The following AP5B1 variants were observed in gnomAD, a reference collection of about 807,000 sequenced individuals.
AP5B1 encodes the protein AP-5 complex subunit beta-1.
A neutral mutation model predicts 5.7 loss-of-function variants in AP5B1; 3 were observed. The ratio of observed to expected loss-of-function variants is 0.53; its 90% confidence interval spans 0.24 to 1.36. AP5B1 has a LOEUF of 1.36. Ranked by LOEUF, AP5B1 falls within the 40% of genes most tolerant of loss-of-function variation. The probability of loss-of-function intolerance (pLI) is 0.17; values close to 1 mark genes in which losing one functional copy is unlikely to be tolerated. For synonymous variants in AP5B1, 696 were observed against 555.5 expected (o/e 1.25, Z -3.56); for missense variants, 1,310 against 1,143.2 (o/e 1.15, Z -2.10).
rs1334154791 is a variant in AP5B1, at chr11:65,777,515, C to T, written c.*341G>A. The T allele has an allele frequency of 1.1e-5, 3 of 264,670 alleles. No individual in the cohort carries two copies. Among genetic ancestry groups the T allele is most frequent in the Non-Finnish European group, 2.2e-5 (3 of 137,592 alleles). 16.4% of individuals were successfully genotyped at this position (264,670 alleles called of 1,614,324 possible). On this transcript the variant is annotated 3_prime_UTR_variant, in exon 2 of 2. Transcript: ENST00000532090. Reference sequence around the variant, plus strand: ...GGCCGTTATCTTGGGAGTGGGTTCGCTCTCTCCCCTCACTCCTGTCACTCT... The same window carrying T: ...GGCCGTTATCTTGGGAGTGGGTTCGTTCTCTCCCCTCACTCCTGTCACTCT...
chr11:65,779,442 G>A lies in AP5B1; in HGVS notation c.1051C>T (p.Leu351Phe), dbSNP rs563241045. 34 of 1,607,468 alleles carry A rather than the reference G, an allele frequency of 2.1e-5. No homozygotes were observed. The South Asian group carries it at 3.3e-4, about 16-fold the overall frequency. ...AQDEALLLRR[L>F]TLAAQHPALP... is the part of the protein sequence containing the mutation. ...GCAGGGTGCTGGGCAGCCAAGGTGA[G>A]CCGGCGGAGCAGCAACGCTTCATCC... The change falls in exon 2 of 2, where the codon CTC (leucine) becomes TTC (phenylalanine). Residue 351 changes from leucine to phenylalanine, a missense_variant. Coordinates refer to ENST00000532090, the MANE Select transcript of AP5B1 (RefSeq NM_138368.5).
In AP5B1 at chr11:65,774,698, C is replaced by G. The variant is rs932411971; in HGVS notation, c.*3158G>C. On this transcript the variant is annotated 3_prime_UTR_variant, in exon 2 of 2. Transcript: ENST00000532090. The stretch of plus-strand genomic sequence containing the variant: ...TGCTGGGATTACAGGTGTGAGCCAC[C>G]GCCCCCGGCCCTTGACTCCCTTCAC... 6.6e-6 allele frequency among the ~76,000 whole-genome samples: 1 copy of G among 152,182 alleles called. No individual in the cohort carries two copies. Among genetic ancestry groups the G allele is most frequent in the East Asian group, 1.9e-4 (1 of 5,206 alleles).
rs1359990907 is a variant in AP5B1 at position 65,779,503 on chromosome 11, G to A, written c.990C>T (p.Leu330=). ...QLTLLHAMLA[L]KAAFGEALFT... ...ACAAGGCCTCACCAAAGGCCGCCTT[G>A]AGCGCAAGCATGGCGTGCAACAGTG... The change falls in exon 2 of 2, where the codon CTC becomes CTT. Residue 330 remains leucine, a synonymous_variant. Transcript: ENST00000532090. 2 of 1,603,760 alleles carry A rather than the reference G, an allele frequency of 1.2e-6. No individual in the cohort carries two copies. The highest frequency in any genetic ancestry group is 1.7e-6 in the Non-Finnish European group (2 of 1,176,162).
At position 65,778,479 on chromosome 11, in the gene AP5B1, G is replaced by T; in HGVS notation, c.2014C>A (p.Arg672=). The T allele has an allele frequency of 6.4e-7, 1 of 1,573,036 alleles. No homozygotes were observed. Among genetic ancestry groups the T allele is most frequent in the Non-Finnish European group, 8.6e-7 (1 of 1,164,646 alleles). ...ALVRLSLGSH[R]VKGPLPVLKL... Reference sequence around the variant, plus strand: ...AACACTGGGAGTGGGCCCTTGACCCGATGGGACCCCAGGCTCAGCCGTACC... The same window carrying T: ...AACACTGGGAGTGGGCCCTTGACCCTATGGGACCCCAGGCTCAGCCGTACC... Residue 672 remains arginine, a synonymous_variant, in exon 2 of 2, where the codon CGG becomes AGG. Transcript: ENST00000532090.
chr11:65,779,899 C>A lies in AP5B1; in HGVS notation c.594G>T (p.Val198=). The change falls in exon 2 of 2, where the codon GTG becomes GTT. Residue 198 remains valine (V), a synonymous_variant. Coordinates refer to ENST00000532090, the MANE Select transcript of AP5B1 (RefSeq NM_138368.5). ...GGCCAGCCCCAACCCGGGACTGGAGCACCAAGGTGTTGCGCAAAGCGAGGG... is the reference window on the plus strand; with the variant it reads ...GGCCAGCCCCAACCCGGGACTGGAGAACCAAGGTGTTGCGCAAAGCGAGGG... ...LLALALRNTL[V]LQSRVGAGLG... is the part of the protein sequence containing the mutation. 1 of 1,594,144 alleles carries A rather than the reference C, an allele frequency of 6.3e-7. No individual in the cohort carries two copies. Among genetic ancestry groups the A allele is most frequent in the Non-Finnish European group, 8.5e-7 (1 of 1,170,228 alleles).
Position 65,779,734 on chromosome 11 carries a change from G to A in AP5B1, c.759C>T (p.Ser253=), listed in dbSNP as rs775579809. The A allele has an allele frequency of 1.9e-6, 3 of 1,602,944 alleles. No homozygotes were observed. The highest frequency in any genetic ancestry group is 2.6e-6 in the Non-Finnish European group (3 of 1,174,906). The change falls in exon 2 of 2, where the codon AGC becomes AGT. Residue 253 remains serine (S), a synonymous_variant. Transcript: ENST00000532090. ...CAGGGCTGTGCTCTCGTGCTGTAAG[G>A]CTACGCTCCCCCTCTCCCTCCTCAG... ...PAAEEGEGER[S]LTAREHSPEE... is the part of the protein sequence containing the mutation.
rs1247354348 is a variant in AP5B1, at chr11:65,780,204, G to A, written c.289C>T (p.Leu97=). 6 of 1,502,216 alleles carry A rather than the reference G, an allele frequency of 4.0e-6. No individual in the cohort carries two copies. Among genetic ancestry groups the A allele is most frequent in the Middle Eastern group, 2.2e-4 (1 of 4,518 alleles). The allele number at this position is 1,502,216 out of a possible 1,614,324, so 93.1% of individuals were successfully genotyped here. Residue 97 remains leucine, a synonymous_variant, in exon 2 of 2, where the codon CTG becomes TTG. Transcript: ENST00000532090. ...GCCAGGGCAGTGGTGGCCGCCAGCAGCAGTGGCCGACGGAGAGCTGAGGGC... is the reference window on the plus strand; with the variant it reads ...GCCAGGGCAGTGGTGGCCGCCAGCAACAGTGGCCGACGGAGAGCTGAGGGC... ...PRPSALRRPL[L]LAATTALAAG...
In AP5B1 at chr11:65,779,425, C is replaced by A. The variant is rs774981487; in HGVS notation, c.1068G>T (p.Gln356His). 21 of 1,607,816 alleles carry A rather than the reference C, an allele frequency of 1.3e-5. No individual in the cohort carries two copies. Among genetic ancestry groups the A allele is most frequent in the Middle Eastern group, 1.6e-4 (1 of 6,076 alleles). Residue 356 changes from glutamine to histidine, a missense_variant, in exon 2 of 2, where the codon CAG (glutamine) becomes CAT (histidine). By Grantham distance (24) the Gln-to-His change is conservative. Transcript: ENST00000532090. Reference sequence around the variant, plus strand: ...GGGTGGGCGGAGGCAGAGCAGGGTGCTGGGCAGCCAAGGTGAGCCGGCGGA... The same window carrying A: ...GGGTGGGCGGAGGCAGAGCAGGGTGATGGGCAGCCAAGGTGAGCCGGCGGA... ...LLLRRLTLAA[Q>H]HPALPPPTHL...
In AP5B1 at chr11:65,778,483, G is replaced by A. The variant is rs1221450177; in HGVS notation, c.2010C>T (p.Ser670=). Residue 670 remains serine, a synonymous_variant, in exon 2 of 2, where the codon TCC becomes TCT. Coordinates refer to ENST00000532090, the MANE Select transcript of AP5B1 (RefSeq NM_138368.5). ...APALVRLSLG[S]HRVKGPLPVL... is the part of the protein sequence containing the mutation. The stretch of plus-strand genomic sequence containing the variant: ...CTGGGAGTGGGCCCTTGACCCGATG[G>A]GACCCCAGGCTCAGCCGTACCAGGG... 7.6e-6 allele frequency: 12 copies of A among 1,573,498 alleles called. No homozygotes were observed. Among genetic ancestry groups the A allele is most frequent in the Non-Finnish European group, 8.6e-6 (10 of 1,164,894 alleles).
chr11:65,780,278 T>G lies in AP5B1; in HGVS notation c.215A>C (p.Glu72Ala), dbSNP rs1409052484. 2.0e-6 allele frequency: 3 copies of G among 1,502,752 alleles called. No homozygotes were observed. The highest frequency in any genetic ancestry group is 2.4e-5 in the Admixed American group (1 of 41,688). The allele number at this position is 1,502,752 out of a possible 1,614,324, so 93.1% of individuals were successfully genotyped here. A position where few individuals can be genotyped will look rare whatever the true frequency, so the allele number is the denominator to read the frequency against. ...AQLWPDASAAEVAATSLLDTL... is the reference protein window; with the variant it reads ...AQLWPDASAAAVAATSLLDTL... ...GTCCAACAGGGAGGTGGCGGCCACT[T>G]CGGCCGCAGAGGCGTCGGGCCACAG... The change falls in exon 2 of 2, where the codon GAA becomes GCA. Residue 72 changes from glutamate to alanine, a missense_variant. Transcript: ENST00000532090.
rs1281769058 is a variant in AP5B1 at position 65,776,266 on chromosome 11, G to A, written c.*1590C>T. ...CGTAAAGCTGGCCCATGGGGAACCT[G>A]TGGCTGGGAGCCCATGAGGCAGGGG... On this transcript the variant is annotated 3_prime_UTR_variant, in exon 2 of 2. Coordinates refer to ENST00000532090, the MANE Select transcript of AP5B1 (RefSeq NM_138368.5). 6.6e-6 allele frequency: 1 copy of A among 152,338 alleles called. No homozygotes were observed. Among genetic ancestry groups the A allele is most frequent in the Admixed American group, 6.5e-5 (1 of 15,284 alleles). The allele number at this position is 152,338 out of a possible 1,614,324, so 9.4% of individuals were successfully genotyped here. A position where few individuals can be genotyped will look rare whatever the true frequency, so the allele number is the denominator to read the frequency against.
At position 65,778,922 on chromosome 11, in the gene AP5B1, C is replaced by T. The variant is rs768339756; in HGVS notation, c.1571G>A (p.Arg524Gln). ...ELREPLKVVL[R>Q]QVVVSRPGRD... ...GCCCGGCCTGGACACCACCACCTGC[C>T]GCAACACCACCTTCAGGGGCTCCCT... Residue 524 changes from arginine to glutamine, a missense_variant, in exon 2 of 2, where the codon CGG becomes CAG. Transcript: ENST00000532090. The T allele has an allele frequency of 1.9e-5, 31 of 1,612,680 alleles. No individual in the cohort carries two copies. The highest frequency in any genetic ancestry group is 4.5e-5 in the East Asian group (2 of 44,894).
In AP5B1 at chr11:65,776,501, G is replaced by A. The variant is rs144047419; in HGVS notation, c.*1355C>T. 849 of 152,274 alleles carry A rather than the reference G, an allele frequency of 5.6e-3. 6 individuals are homozygous for A. Among genetic ancestry groups the A allele is most frequent in the African/African-American group, 0.02 (812 of 41,550 alleles). 9.4% of individuals were successfully genotyped at this position (152,274 alleles called of 1,614,324 possible). The stretch of plus-strand genomic sequence containing the variant: ...TGTTGCAAGGATGAAATGAGGCAAC[G>A]TACATGTGCCTGGCAGCACAGCTGA... On this transcript the variant is annotated 3_prime_UTR_variant, in exon 2 of 2. Coordinates refer to ENST00000532090, the MANE Select transcript of AP5B1 (RefSeq NM_138368.5).
In AP5B1 at chr11:65,778,470, C is replaced by A; in HGVS notation, c.2023G>T (p.Gly675Cys). Residue 675 changes from glycine (G) to cysteine (C), a missense_variant, in exon 2 of 2, where the codon GGC becomes TGC. Transcript: ENST00000532090. Reference sequence around the variant, plus strand: ...TGGAGCTTCAACACTGGGAGTGGGCCCTTGACCCGATGGGACCCCAGGCTC... The same window carrying A: ...TGGAGCTTCAACACTGGGAGTGGGCACTTGACCCGATGGGACCCCAGGCTC... ...RLSLGSHRVK[G>C]PLPVLKLQPE... The A allele has an allele frequency of 6.4e-7, 1 of 1,572,404 alleles. No individual in the cohort carries two copies. Among genetic ancestry groups the A allele is most frequent in the East Asian group, 2.3e-5 (1 of 42,972 alleles).
chr11:65,779,037 AG>A lies in AP5B1; in HGVS notation c.1455del (p.Leu486Ter). 2 of 1,607,416 alleles carry A rather than the reference AG, an allele frequency of 1.2e-6. No homozygotes were observed. Among genetic ancestry groups the A allele is most frequent in the Non-Finnish European group, 1.7e-6 (2 of 1,176,992 alleles). ...CLAGQPTVLT[P>X]LIHGLAQLYQ... is the part of the protein sequence containing the mutation. ...TACAGCTGGGCCAGTCCGTGGATCAAGGGGGTCAGCACCGTAGGTTGCCCAG... is the reference window on the plus strand; with the variant it reads ...TACAGCTGGGCCAGTCCGTGGATCAAGGGGTCAGCACCGTAGGTTGCCCAG... On this transcript the variant is annotated frameshift_variant, in exon 2 of 2. Coordinates refer to ENST00000532090, the MANE Select transcript of AP5B1 (RefSeq NM_138368.5). LOFTEE classifies it low-confidence loss of function (END_TRUNC).
At position 65,778,648 on chromosome 11, in the gene AP5B1, G is replaced by T. The variant is rs764816780; in HGVS notation, c.1845C>A (p.Tyr615Ter). ...DPDGRDHARL[Y>*]YILLAHLAAP... The stretch of plus-strand genomic sequence containing the variant: ...CTGCCAGGTGTGCCAGCAGGATGTA[G>T]TAGAGGCGGGCGTGGTCACGCCCAT... Residue 615 changes from tyrosine to a stop codon, truncating the protein, a stop_gained, in exon 2 of 2, where the codon TAC becomes TAA. Coordinates refer to ENST00000532090, the MANE Select transcript of AP5B1 (RefSeq NM_138368.5). LOFTEE classifies it low-confidence loss of function (END_TRUNC). 1 of 1,568,812 alleles carries T rather than the reference G, an allele frequency of 6.4e-7. No homozygotes were observed. The highest frequency in any genetic ancestry group is 8.6e-7 in the Non-Finnish European group (1 of 1,160,154).
rs757473754 is a variant in AP5B1, at chr11:65,779,384, T to A, written c.1109A>T (p.His370Leu). ...GTTCTCAGGGAAGCTCAGGACGCAG[T>A]GAAGGTAAAAGAGATGGGTGGGCGG... ...LPPPTHLFYL[H>L]CVLSFPENWP... The change falls in exon 2 of 2, where the codon CAC becomes CTC. Residue 370 changes from histidine to leucine, a missense_variant. Coordinates refer to ENST00000532090, the MANE Select transcript of AP5B1 (RefSeq NM_138368.5). 2.5e-6 allele frequency: 4 copies of A among 1,600,528 alleles called. No individual in the cohort carries two copies. In the African/African-American group the frequency reaches 5.4e-5, roughly 21 times the overall value.
At position 65,777,749 on chromosome 11, in the gene AP5B1, A is replaced by G; in HGVS notation, c.*107T>C. 1 of 1,321,630 alleles carries G rather than the reference A, an allele frequency of 7.6e-7. No homozygotes were observed. 81.9% of individuals were successfully genotyped at this position (1,321,630 alleles called of 1,614,324 possible). ...CCCAACCGGGGCCCAAAAGAAAACA[A>G]GCCAGCGAGGGCACTGCGGAATGCA... On this transcript the variant is annotated 3_prime_UTR_variant, in exon 2 of 2. Transcript: ENST00000532090.
chr11:65,778,272 G>A lies in AP5B1; in HGVS notation c.2221C>T (p.His741Tyr). The A allele has an allele frequency of 6.2e-7, 1 of 1,613,262 alleles. No individual in the cohort carries two copies. ...RCPAPARLDV[H>Y]ALYTTSTGLT... ...CCAGTGGATGTGGTGTAAAGGGCATGGACATCCAGCCGTGCGGGGGCCGGG... is the reference window on the plus strand; with the variant it reads ...CCAGTGGATGTGGTGTAAAGGGCATAGACATCCAGCCGTGCGGGGGCCGGG... Residue 741 changes from histidine to tyrosine, a missense_variant, in exon 2 of 2, where the codon CAT becomes TAT. Transcript: ENST00000532090.
Sources: allele counts gnomAD v4.1 joint callset (sites outside exome capture counted in the v4.1 genomes callset), GRCh38; gene constraint gnomAD v4.1.1; transcripts MANE v1.5; gene names NCBI Gene and HGNC (gene_info 2026-07-23, HGNC 2026-07-21).